The following COL8A1 variants were observed in gnomAD, a reference collection of about 807,000 sequenced individuals.
COL8A1 encodes the protein collagen alpha-1(VIII) chain.
COL8A1 carries 21 observed loss-of-function variants against 42.7 expected under a neutral mutation model. The ratio of observed to expected loss-of-function variants is 0.49; its 90% CI spans 0.35 to 0.71. The LOEUF is 0.71. Among genes scored for constraint, COL8A1 ranks in the 30% least tolerant of loss-of-function variants. The probability of loss-of-function intolerance (pLI) is 0.01; values close to 1 mark genes in which losing one functional copy is unlikely to be tolerated. For synonymous variants in COL8A1, 367 were observed against 369.1 expected, an observed-to-expected ratio of 0.99 and a Z score of 0.06; for missense variants, 788 against 962.4, an observed-to-expected ratio of 0.82 and a Z score of 2.40.
intron 2 of COL8A1, among the ~76,000 whole-genome samples, chr3:99,771,236 G>T (rs1160494644): frequency 6.6e-6 from 1 of 152,188 alleles, no homozygotes; most frequent in East Asian, 1.9e-4. Context: ...GAAGGTATTG[G>T]AGGGTTTTTA....
At chr3:99,690,196 T>C (rs2107333382) in intron 1 of COL8A1, among the ~76,000 whole-genome samples, 1 of 152,288 alleles carries the variant, frequency 6.6e-6, no homozygotes, top group African/African-American at 2.4e-5. Context: ...TGTGGTCAAA[T>C]AGGATTAGGA....
Position 99,638,628 on chromosome 3 carries a change from G to A in COL8A1, c.-165G>A, listed in dbSNP as rs1223778020. 2.0e-5 allele frequency: 3 copies of A among 152,324 alleles called. No homozygotes were observed. Among genetic ancestry groups the A allele is most frequent in the East Asian group, 3.9e-4 (2 of 5,192 alleles). The allele number at this position is 152,324 out of a possible 1,614,324, so 9.4% of individuals were successfully genotyped here. On this transcript the variant is annotated 5_prime_UTR_variant, in exon 1 of 4. Transcript: ENST00000652472. ...CCCTTCCCCGATCCTCTCCGTGGGAGCCAGCGAGCCTCTCTCCCTGATCTT... is the reference window on the plus strand; with the variant it reads ...CCCTTCCCCGATCCTCTCCGTGGGAACCAGCGAGCCTCTCTCCCTGATCTT...
chr3:99,756,395 G>A (rs991143494), intron 2 of COL8A1, among the ~76,000 whole-genome samples: 7 of 152,056 alleles, frequency 4.6e-5, no homozygotes, highest in Admixed American at 2.6e-4. Flanking sequence ...TTCTGAACCA[G>A]ACCATGGTCC....
chr3:99,740,556 A>C (rs1416576470), intron 1 of COL8A1, among the ~76,000 whole-genome samples: 1 of 152,128 alleles, frequency 6.6e-6, no homozygotes, highest in Non-Finnish European at 1.5e-5. Flanking sequence ...AAACCATCAG[A>C]TCCTGTGAGA....
At chr3:99,773,843 T>TATATATATATATATATATA (rs1559632732) in intron 2 of COL8A1, among the ~76,000 whole-genome samples, 4 of 96,386 alleles carry the variant, frequency 4.1e-5, no homozygotes, top group Non-Finnish European at 6.4e-5. Flanking sequence ...ATATATTTTT[T>TATATATATATATATATATA]TTTTTTTTTT....
rs1226770157 is a variant in COL8A1, at chr3:99,796,038, C to G, written c.2137C>G (p.Arg713Gly). 6.2e-7 allele frequency: 1 copy of G among 1,613,182 alleles called. No individual in the cohort carries two copies. Among genetic ancestry groups the G allele is most frequent in the Non-Finnish European group, 8.5e-7 (1 of 1,179,514 alleles). The change falls in exon 4 of 4, where the codon CGG (arginine) becomes GGG (glycine). Residue 713 changes from arginine to glycine, a missense_variant. Transcript: ENST00000652472. ...SAVLLLRPGDRVFLQMPSEQA... is the reference protein window; with the variant it reads ...SAVLLLRPGDGVFLQMPSEQA... ...AGTGCTGCTGCTCAGGCCCGGAGAC[C>G]GGGTGTTCCTCCAGATGCCCTCAGA...
chr3:99,769,331 G>A (rs572462908), intron 2 of COL8A1, among the ~76,000 whole-genome samples: 40 of 152,312 alleles, frequency 2.6e-4, no homozygotes, highest in African/African-American at 8.9e-4. Flanking sequence ...CCCTGACATA[G>A]ACTGCCATCA....
intron 2 of COL8A1, among the ~76,000 whole-genome samples, chr3:99,789,093 T>C (rs887136313): frequency 6.6e-6 from 1 of 152,164 alleles, no homozygotes; most frequent in Non-Finnish European, 1.5e-5. Flanking sequence ...TTAGAAAGAT[T>C]GTAAAGCTTG....
In COL8A1 at chr3:99,705,139, G is replaced by A. The variant is rs914251199; in HGVS notation, c.-128-39758G>A. ...ATATGTTGTTCTCCTTCCAGCCCCCGCAAAACAAAGTAATGGTAGAGTTAT... is the reference window on the plus strand; with the variant it reads ...ATATGTTGTTCTCCTTCCAGCCCCCACAAAACAAAGTAATGGTAGAGTTAT... On this transcript the variant is annotated intron_variant, in intron 1 of 3. Transcript: ENST00000652472. Among the ~76,000 whole-genome samples the A allele has an allele frequency of 8.5e-5, 13 of 152,160 alleles. 1 individual carries two copies. Among genetic ancestry groups the A allele is most frequent in the Admixed American group, 2.0e-4 (3 of 15,296 alleles).
intron 2 of COL8A1, among the ~76,000 whole-genome samples, chr3:99,779,651 A>C (rs1408544787): frequency 2.0e-5 from 3 of 152,198 alleles, no homozygotes; most frequent in Admixed American, 2.0e-4. Context: ...GCCGCACTGA[A>C]GTGGGCAAGC....
intron 2 of COL8A1, among the ~76,000 whole-genome samples, chr3:99,748,153 T>C (rs571276808): frequency 6.6e-6 from 1 of 152,246 alleles, no homozygotes; most frequent in African/African-American, 2.4e-5. Flanking sequence ...TAAATCACTT[T>C]TTCAAGTCAG....
intron 1 of COL8A1, among the ~76,000 whole-genome samples, chr3:99,716,126 C>G (rs1333986734): frequency 6.6e-6 from 1 of 152,028 alleles, no homozygotes; most frequent in Admixed American, 6.6e-5. Flanking sequence ...CACCACATCT[C>G]AGTTTGCCAT....
chr3:99,758,815 C>CGGTAGGTGGT (rs2107422512), intron 2 of COL8A1, among the ~76,000 whole-genome samples: 2 of 152,230 alleles, frequency 1.3e-5, no homozygotes, highest in East Asian at 3.9e-4. Context: ...CTGCACCTAC[C>CGGTAGGTGGT]ACTGAGACTG....
chr3:99,756,088 T>A (rs907327089), intron 2 of COL8A1, among the ~76,000 whole-genome samples: 3 of 151,756 alleles, frequency 2.0e-5, no homozygotes, highest in African/African-American at 7.3e-5. Context: ...TCATAAAACT[T>A]GCAGATGGAT....
At chr3:99,787,563 C>T (rs990170003) in intron 2 of COL8A1, among the ~76,000 whole-genome samples, 1 of 151,982 alleles carries the variant, frequency 6.6e-6, no homozygotes, top group Non-Finnish European at 1.5e-5. Flanking sequence ...CTGAATAGTC[C>T]TTTTTGGCTT....
At chr3:99,679,121 T>A (rs1475284042) in intron 1 of COL8A1, 2 of 152,246 alleles carry the variant, frequency 1.3e-5, no homozygotes, top group Non-Finnish European at 2.9e-5. Flanking sequence ...AAAAATAGCC[T>A]GAAGAATAAG....
chr3:99,793,908 C>T (rs947523623), intron 3 of COL8A1, among the ~76,000 whole-genome samples: 3 of 152,244 alleles, frequency 2.0e-5, no homozygotes, highest in Non-Finnish European at 2.9e-5. Flanking sequence ...TGTGCCACCA[C>T]ACCCGGCTAA....
intron 2 of COL8A1, among the ~76,000 whole-genome samples, chr3:99,763,751 C>T (rs1012100322): frequency 1.3e-5 from 2 of 152,190 alleles, no homozygotes; most frequent in African/African-American, 2.4e-5. Flanking sequence ...CTGAGGTGGT[C>T]TACCACCCAA....
intron 1 of COL8A1, among the ~76,000 whole-genome samples, chr3:99,646,919 A>G (rs1402413806): frequency 6.6e-6 from 1 of 152,190 alleles, no homozygotes; most frequent in Non-Finnish European, 1.5e-5. Flanking sequence ...TTAACTGGAG[A>G]AAGATAACTG....
Sources: gnomAD v4.1 joint callset for allele counts (sites outside exome capture counted in the v4.1 genomes callset) on GRCh38, gnomAD v4.1.1 for gene constraint, MANE v1.5 for transcripts, NCBI Gene and HGNC (gene_info 2026-07-23, HGNC 2026-07-21) for gene names.